MIS18A: variants seen among roughly 807,000 people sequenced by gnomAD.
MIS18A encodes protein Mis18-alpha.
Under a neutral mutation model 25.0 loss-of-function variants are expected in MIS18A, and 14 were observed. The ratio of observed to expected loss-of-function variants is 0.56; its 90% confidence interval spans 0.37 to 0.88. The LOEUF is 0.88. MIS18A is among the 40% of genes least tolerant of loss of function. The probability of loss-of-function intolerance (pLI) is 0.00; values close to 1 mark genes in which losing one functional copy is unlikely to be tolerated. For synonymous variants in MIS18A, 134 were observed against 118.6 expected (o/e 1.13, Z -0.84); for missense variants, 292 against 290.8 (o/e 1.00, Z -0.03).
chr21:32,194,417 T>C, the MIS18A span, among the ~76,000 whole-genome samples: 2 of 152,100 alleles, frequency 1.3e-5, no homozygotes, highest in Non-Finnish European at 2.9e-5. Flanking sequence ...CCCAGTACTT[T>C]GGGAAGCTGA....
At chr21:32,164,001 G>C in the MIS18A span, among the ~76,000 whole-genome samples, 1 of 152,044 alleles carries the variant, frequency 6.6e-6, no homozygotes, top group African/African-American at 2.4e-5. Context: ...AGAGGCGAGA[G>C]AGAGGAGGTG....
the MIS18A span, among the ~76,000 whole-genome samples, chr21:32,202,420 G>A: frequency 1.3e-5 from 2 of 152,154 alleles, no homozygotes; most frequent in African/African-American, 4.8e-5. Context: ...AGCACAAGAT[G>A]CTATGTAAAA....
At chr21:32,257,830 C>A in the MIS18A span, among the ~76,000 whole-genome samples, 1 of 152,184 alleles carries the variant, frequency 6.6e-6, no homozygotes, top group Non-Finnish European at 1.5e-5. Flanking sequence ...TCTGCATAAT[C>A]ACTTAATGCA....
At chr21:32,197,884 C>A in the MIS18A span, 1 of 152,180 alleles carries the variant, frequency 6.6e-6, no homozygotes, top group Non-Finnish European at 1.5e-5. Context: ...GCATCTAATT[C>A]CAAAGAAATG....
chr21:32,200,850 T>G, the MIS18A span, among the ~76,000 whole-genome samples: 2 of 152,208 alleles, frequency 1.3e-5, no homozygotes, highest in Non-Finnish European at 2.9e-5. Context: ...AGAGCACTCC[T>G]AATTATCTAC....
chr21:32,264,940 T>C (rs2031564815), downstream of MIS18A, among the ~76,000 whole-genome samples: 1 of 152,200 alleles, frequency 6.6e-6, no homozygotes, highest in African/African-American at 2.4e-5. Context: ...CACTCTGGGA[T>C]GAAAAACAGG....
At chr21:32,206,310 C>T in the MIS18A span, among the ~76,000 whole-genome samples, 1 of 152,128 alleles carries the variant, frequency 6.6e-6, no homozygotes, top group Admixed American at 6.5e-5. Context: ...GGGGGGATTA[C>T]TCTGACAGCT....
the MIS18A span, among the ~76,000 whole-genome samples, chr21:32,244,799 A>G: frequency 6.6e-6 from 1 of 152,224 alleles, no homozygotes; most frequent in Non-Finnish European, 1.5e-5. Context: ...AGTTTTTTGG[A>G]AAAGGCACAA....
the MIS18A span, chr21:32,156,596 G>T: frequency 6.6e-6 from 1 of 152,126 alleles, no homozygotes; most frequent in Admixed American, 6.5e-5. Context: ...CTTACATAAA[G>T]CTTGTTTAAA....
the MIS18A span, among the ~76,000 whole-genome samples, chr21:32,254,715 C>T: frequency 1.3e-5 from 2 of 152,200 alleles, no homozygotes; most frequent in South Asian, 2.1e-4. Context: ...TATGCTGGGC[C>T]GGACCTAGAA....
In MIS18A at chr21:32,268,963, G is replaced by A. The variant is rs568024958; in HGVS notation, c.*74C>T. 34 of 978,260 alleles carry A rather than the reference G, an allele frequency of 3.5e-5. No homozygotes were observed. The highest frequency in any genetic ancestry group is 4.5e-4 in the Middle Eastern group (2 of 4,432). The allele number at this position is 978,260 out of a possible 1,614,324, so 60.6% of individuals were successfully genotyped here. A position where few individuals can be genotyped will look rare whatever the true frequency, so the allele number is the denominator to read the frequency against. Reference sequence around the variant, plus strand: ...TTCTTTTTTTTTTTGTAGAGACGACGTCTCACTATGTTGCTTCATTTAACA... The same window carrying A: ...TTCTTTTTTTTTTTGTAGAGACGACATCTCACTATGTTGCTTCATTTAACA... On this transcript the variant is annotated 3_prime_UTR_variant, in exon 5 of 5. Coordinates refer to ENST00000290130, the MANE Select transcript of MIS18A (RefSeq NM_018944.3).
chr21:32,175,974 G>T, the MIS18A span, among the ~76,000 whole-genome samples: 1 of 151,944 alleles, frequency 6.6e-6, no homozygotes, highest in African/African-American at 2.4e-5. Context: ...GGCCTACACA[G>T]AGTAGGATCC....
the MIS18A span, among the ~76,000 whole-genome samples, chr21:32,192,941 CTT>C: frequency 6.6e-6 from 1 of 152,188 alleles, no homozygotes; most frequent in African/African-American, 2.4e-5. Context: ...ATCCCCATCT[CTT>C]GTTTGCCTGA....
the MIS18A span, among the ~76,000 whole-genome samples, chr21:32,182,253 G>A: frequency 4.1e-4 from 62 of 152,300 alleles, no homozygotes; most frequent in Non-Finnish European, 8.2e-4. Flanking sequence ...CATTGGCAAT[G>A]TCTGCCATGG....
At chr21:32,264,502 T>C (rs1271857649), downstream of MIS18A, among the ~76,000 whole-genome samples, 1 of 152,354 alleles carries the variant, frequency 6.6e-6, no homozygotes, top group South Asian at 2.1e-4. Context: ...AGTAGTGTCA[T>C]ATGCATTATC....
the MIS18A span, among the ~76,000 whole-genome samples, chr21:32,224,789 A>G: frequency 6.8e-6 from 1 of 147,056 alleles, no homozygotes; most frequent in Non-Finnish European, 1.5e-5. Flanking sequence ...TTTAAAGTTC[A>G]TATGGAACCA....
chr21:32,246,100 C>T, the MIS18A span, among the ~76,000 whole-genome samples: 11 of 152,282 alleles, frequency 7.2e-5, no homozygotes, highest in East Asian at 3.9e-4. Context: ...CAAACGGACT[C>T]GCTCTGGTGA....
At chr21:32,239,009 T>C in the MIS18A span, among the ~76,000 whole-genome samples, 3 of 152,194 alleles carry the variant, frequency 2.0e-5, no homozygotes, top group East Asian at 5.8e-4. Context: ...TAACATAACA[T>C]TGTCTTTAGA....
At chr21:32,275,805 T>A (rs1283122902) in intron 1 of MIS18A, among the ~76,000 whole-genome samples, 2 of 152,092 alleles carry the variant, frequency 1.3e-5, no homozygotes, top group Non-Finnish European at 2.9e-5. Context: ...TCTACTCCAC[T>A]GATCCATCCC....
Sources: gnomAD v4.1 joint callset for allele counts (sites outside exome capture counted in the v4.1 genomes callset) on GRCh38, gnomAD v4.1.1 for gene constraint, MANE v1.5 for transcripts, NCBI Gene and HGNC (gene_info 2026-07-23, HGNC 2026-07-21) for gene names.